The following SND1 variants were observed in gnomAD, a reference collection of about 807,000 sequenced individuals.
SND1 encodes the protein staphylococcal nuclease and tudor domain containing 1, also known as staphylococcal nuclease domain-containing protein 1.
SND1 carries 38 observed loss-of-function variants against 121.7 expected under a neutral mutation model. That is an observed-to-expected ratio of 0.31 (90% CI 0.24 to 0.41). The LOEUF is 0.41. Among genes scored for constraint, SND1 ranks in the 10% least tolerant of loss-of-function variants. The pLI is 1.00. For missense variants in SND1, 868 were observed against 1,184.6 expected (o/e 0.73, Z 3.92); for synonymous variants, 401 against 447.4 (o/e 0.90, Z 1.31).
intron 16 of SND1, chr7:128,028,817 G>A (rs144074613): frequency 2.7e-5 from 43 of 1,614,044 alleles, no homozygotes; most frequent in Non-Finnish European, 3.6e-5. Context: ...GTTTGTAGGT[G>A]TTGTAGTTAA....
chr7:127,732,525 G>A (rs1019561716), intron 10 of SND1, among the ~76,000 whole-genome samples: 1 of 152,228 alleles, frequency 6.6e-6, no homozygotes, highest in Admixed American at 6.5e-5. Context: ...TGAATGCTTA[G>A]CATTGTTGAA....
At chr7:127,734,188 C>T (rs1261458055) in intron 10 of SND1, among the ~76,000 whole-genome samples, 2 of 152,076 alleles carry the variant, frequency 1.3e-5, no homozygotes, top group African/African-American at 2.4e-5. Flanking sequence ...CGCTCCAGGT[C>T]TCAGAGCCAG....
intron 16 of SND1, among the ~76,000 whole-genome samples, chr7:128,050,933 G>A (rs910325823): frequency 3.0e-4 from 45 of 152,188 alleles, no homozygotes; most frequent in Non-Finnish European, 1.9e-4. Flanking sequence ...TTTCTGTGTC[G>A]TCTCCATTTT....
intron 12 of SND1, among the ~76,000 whole-genome samples, chr7:127,857,700 C>T (rs1378209613): frequency 1.3e-5 from 2 of 152,052 alleles, no homozygotes; most frequent in African/African-American, 2.4e-5. Flanking sequence ...GCCATCAGCA[C>T]AGCCAAGGCC....
intron 1 of SND1, among the ~76,000 whole-genome samples, chr7:127,673,285 A>G (rs1402244141): frequency 6.0e-5 from 9 of 149,848 alleles, no homozygotes; most frequent in South Asian, 4.2e-4. Flanking sequence ...ACTTTGTGAG[A>G]AGCTATTTTG....
At chr7:128,061,753 C>A (rs1310507310) in intron 16 of SND1, among the ~76,000 whole-genome samples, 1 of 152,260 alleles carries the variant, frequency 6.6e-6, no homozygotes, top group Non-Finnish European at 1.5e-5. Flanking sequence ...TGCATTTATC[C>A]TTATTTCACG....
chr7:127,867,914 T>A (rs201852835), intron 12 of SND1, among the ~76,000 whole-genome samples: 1 of 140,376 alleles, frequency 7.1e-6, no homozygotes, highest in Non-Finnish European at 1.6e-5. Context: ...AAAAAAAAAA[T>A]TAAATGCATT....
intron 15 of SND1, among the ~76,000 whole-genome samples, chr7:127,930,627 A>G (rs1250818521): frequency 6.6e-6 from 1 of 152,104 alleles, no homozygotes; most frequent in Non-Finnish European, 1.5e-5. Context: ...AAAAATTCAT[A>G]CCTTATTGGA....
intron 16 of SND1, among the ~76,000 whole-genome samples, chr7:128,063,568 C>T (rs568293713): frequency 1.3e-4 from 20 of 152,364 alleles, no homozygotes; most frequent in Non-Finnish European, 2.8e-4. Context: ...CCTTCTCCCA[C>T]GTCACTGCTG....
intron 21 of SND1, among the ~76,000 whole-genome samples, chr7:128,089,054 GT>G (rs1280307124): frequency 6.6e-6 from 1 of 151,736 alleles, no homozygotes; most frequent in Non-Finnish European, 1.5e-5. Context: ...GTGTTTTTTT[GT>G]TTTTTTGGTA....
At chr7:127,902,749 C>G (rs1237776632) in intron 13 of SND1, among the ~76,000 whole-genome samples, 1 of 151,950 alleles carries the variant, frequency 6.6e-6, no homozygotes, top group African/African-American at 2.4e-5. Context: ...CAAAGTCTTG[C>G]TCTTTCGCCC....
At chr7:127,887,063 G>T (rs1400571123) in intron 12 of SND1, among the ~76,000 whole-genome samples, 2 of 151,880 alleles carry the variant, frequency 1.3e-5, no homozygotes, top group Non-Finnish European at 2.9e-5. Flanking sequence ...CAGTGTAGTG[G>T]TGTGATCACA....
At chr7:128,038,379 T>G (rs1357861838) in intron 16 of SND1, among the ~76,000 whole-genome samples, 1 of 152,232 alleles carries the variant, frequency 6.6e-6, no homozygotes, top group Non-Finnish European at 1.5e-5. Context: ...CGCGTATATA[T>G]AGGTTAGTTG....
chr7:128,019,016 C>T (rs1370420113), intron 16 of SND1, among the ~76,000 whole-genome samples: 2 of 152,150 alleles, frequency 1.3e-5, no homozygotes, highest in African/African-American at 4.8e-5. Context: ...CCACATTTCA[C>T]ATCTCAAATG....
At chr7:127,764,933 G>A (rs6959487) in intron 10 of SND1, among the ~76,000 whole-genome samples, 32,222 of 152,052 alleles carry the variant, frequency 0.21, 4,003 homozygotes, top group Middle Eastern at 0.32. Flanking sequence ...GAAATCGGGC[G>A]GAACTATTGC....
In SND1 at chr7:127,703,119, A is replaced by C. The variant is rs116070950; in HGVS notation, c.682-46A>C. The C allele has an allele frequency of 2.7e-4, 434 of 1,610,406 alleles. 2 individuals are homozygous for C. The African/African-American group carries it at 4.8e-3, about 18-fold the overall frequency. ...TTAGTGTGGGGCGAGAGTGCCTAGC[A>C]CTCACATTTAGGCTGCATTACTCAC... is the stretch of plus-strand genomic sequence containing the variant. On this transcript the variant is annotated intron_variant, in intron 6 of 23. Coordinates refer to ENST00000354725, the MANE Select transcript of SND1 (RefSeq NM_014390.4).
intron 16 of SND1, among the ~76,000 whole-genome samples, chr7:128,059,685 G>A (rs1793200024): frequency 6.6e-6 from 1 of 152,180 alleles, no homozygotes; most frequent in Admixed American, 6.5e-5. Flanking sequence ...AGTGTACATT[G>A]TACTGTGGTA....
chr7:128,005,918 C>T (rs1374765653), intron 16 of SND1, among the ~76,000 whole-genome samples: 3 of 152,176 alleles, frequency 2.0e-5, no homozygotes, highest in Admixed American at 6.5e-5. Context: ...TTCTAAAGGA[C>T]ACAGCCTTCC....
At chr7:127,930,340 C>T (rs1800936135) in intron 15 of SND1, among the ~76,000 whole-genome samples, 2 of 152,164 alleles carry the variant, frequency 1.3e-5, no homozygotes, top group South Asian at 4.1e-4. Context: ...CCTGCCAGAT[C>T]GCCTTGGCCT....
Sources: allele counts gnomAD v4.1 joint callset (sites outside exome capture counted in the v4.1 genomes callset), GRCh38; gene constraint gnomAD v4.1.1; transcripts MANE v1.5; gene names NCBI Gene and HGNC (gene_info 2026-07-23, HGNC 2026-07-21).